Variants in PPP4R2 observed in about 807,000 individuals in gnomAD.
The protein encoded by PPP4R2 is protein phosphatase 4 regulatory subunit 2.
In PPP4R2, 13 loss-of-function variants were observed where a neutral mutation model predicts 47.2. The observed-to-expected ratio is 0.28, with a 90% confidence interval of 0.18 to 0.44. PPP4R2 has a LOEUF of 0.44. Ranked by LOEUF, PPP4R2 falls within the 20% of genes least tolerant of loss-of-function variation. The probability of loss-of-function intolerance (pLI) is 1.00; values close to 1 mark genes in which losing one functional copy is unlikely to be tolerated. For synonymous variants in PPP4R2, 151 were observed against 163.3 expected, an observed-to-expected ratio of 0.92 and a Z score of 0.57; for missense variants, 421 against 491.2, an observed-to-expected ratio of 0.86 and a Z score of 1.35.
chr3:73,048,225 A>C (rs1702528310), intron 3 of PPP4R2, among the ~76,000 whole-genome samples: 1 of 151,464 alleles, frequency 6.6e-6, no homozygotes, highest in Non-Finnish European at 1.5e-5. Flanking sequence ...GTCATTTTAA[A>C]TTCTATTTTT....
intron 2 of PPP4R2, among the ~76,000 whole-genome samples, chr3:73,043,418 A>G (rs970255108): frequency 6.6e-6 from 1 of 152,226 alleles, no homozygotes; most frequent in Non-Finnish European, 1.5e-5. Flanking sequence ...CACCATTTTT[A>G]AAAGTAATAG....
intron 2 of PPP4R2, among the ~76,000 whole-genome samples, chr3:72,999,172 A>C (rs1191874202): frequency 1.3e-5 from 2 of 152,200 alleles, no homozygotes; most frequent in Non-Finnish European, 1.5e-5. Context: ...ATTAAAATAC[A>C]CCAGTCATTT....
At chr3:72,998,250 ATAAT>A (rs928775295) in intron 2 of PPP4R2, 92 bp downstream of exon 2, 23 of 780,688 alleles carry the variant, frequency 2.9e-5, no homozygotes, top group Non-Finnish European at 4.4e-5. Context: ...GGATAATTAA[ATAAT>A]TCATTCTAAA....
chr3:73,062,284 G>T (rs1205647933), intron 5 of PPP4R2: 2 of 1,608,086 alleles, frequency 1.2e-6, no homozygotes, highest in South Asian at 2.2e-5. Flanking sequence ...ATGGACAGGA[G>T]TGGGCTCCCT....
intron 2 of PPP4R2, among the ~76,000 whole-genome samples, chr3:73,036,106 G>T (rs749656587): frequency 5.4e-4 from 82 of 152,180 alleles, no homozygotes; most frequent in Admixed American, 8.5e-4. Context: ...AATGTGGATG[G>T]AACTGGAGGT....
chr3:73,001,901 A>G (rs1191246194), intron 2 of PPP4R2, among the ~76,000 whole-genome samples: 2 of 152,234 alleles, frequency 1.3e-5, no homozygotes, highest in Non-Finnish European at 2.9e-5. Context: ...TGCTGGGATT[A>G]CAGGCGTGAA....
At chr3:73,017,268 T>C (rs528803420) in intron 2 of PPP4R2, among the ~76,000 whole-genome samples, 1 of 152,330 alleles carries the variant, frequency 6.6e-6, no homozygotes, top group South Asian at 2.1e-4. Context: ...CCTCACTTTC[T>C]TGATGGATTA....
chr3:73,060,522 T>A (rs1227564629), intron 4 of PPP4R2, among the ~76,000 whole-genome samples: 1 of 152,180 alleles, frequency 6.6e-6, no homozygotes, highest in Non-Finnish European at 1.5e-5. Flanking sequence ...CATACTAAAC[T>A]TTCAGTGAAC....
chr3:73,059,363 A>T (rs1032946773), intron 4 of PPP4R2, among the ~76,000 whole-genome samples: 1 of 152,160 alleles, frequency 6.6e-6, no homozygotes, highest in Admixed American at 6.5e-5. Flanking sequence ...AAAGCAGCTT[A>T]TTATTTCTTG....
At chr3:73,043,847 C>T (rs533721050) in intron 2 of PPP4R2, among the ~76,000 whole-genome samples, 1 of 152,198 alleles carries the variant, frequency 6.6e-6, no homozygotes, top group Non-Finnish European at 1.5e-5. Context: ...CCATCACTAT[C>T]ATCCATCTGC....
At chr3:73,032,994 G>C (rs1432192286) in intron 2 of PPP4R2, among the ~76,000 whole-genome samples, 2 of 151,992 alleles carry the variant, frequency 1.3e-5, no homozygotes, top group Non-Finnish European at 1.5e-5. Flanking sequence ...ATCCTACCAA[G>C]TTATGATGAA....
intron 2 of PPP4R2, among the ~76,000 whole-genome samples, chr3:73,033,268 A>C (rs1417883464): frequency 6.6e-6 from 1 of 152,052 alleles, no homozygotes; most frequent in African/African-American, 2.4e-5. Context: ...TTTTGAAGGA[A>C]TTTTTTCATT....
rs114451359 is a variant in PPP4R2 at position 73,043,845 on chromosome 3, A to G, written c.117-3341A>G. Among the ~76,000 whole-genome samples, 584 of 152,290 alleles carry G rather than the reference A, an allele frequency of 3.8e-3. 8 individuals carry two copies. Among genetic ancestry groups the G allele is most frequent in the African/African-American group, 0.014 (566 of 41,526 alleles). ...ACTCACGATGTATGTTACCATCACT[A>G]TCATCCATCTGCAGAACTTTTCATT... is the stretch of plus-strand genomic sequence containing the variant. On this transcript the variant is annotated intron_variant, in intron 2 of 8. Coordinates refer to ENST00000356692, the MANE Select transcript of PPP4R2 (RefSeq NM_174907.4).
intron 3 of PPP4R2, 46 bp from the exon 4 acceptor site, chr3:73,058,988 TTTC>T: frequency 8.9e-7 from 1 of 1,127,446 alleles, no homozygotes; most frequent in Non-Finnish European, 1.3e-6. Flanking sequence ...TGTTCCTCGT[TTTC>T]TTGATTATCA....
In PPP4R2 at chr3:73,064,973, G is replaced by C; in HGVS notation, c.760G>C (p.Gly254Arg). 1.9e-6 allele frequency: 3 copies of C among 1,613,902 alleles called. No individual in the cohort carries two copies. The highest frequency in any genetic ancestry group is 1.1e-5 in the South Asian group (1 of 91,076). Residue 254 changes from glycine (G) to arginine (R), a missense_variant, in exon 8 of 9, where the codon GGT becomes CGT. Gly to Arg is a moderately radical substitution (Grantham distance 125). Transcript: ENST00000356692. Reference protein sequence around the residue: ...EVKRLRFDKEGEVRETASQTT... With the variant: ...EVKRLRFDKEREVRETASQTT... Reference sequence around the variant, plus strand: ...AAAAAGACTCAGGTTTGACAAAGAAGGTGAAGTCAGAGAAACAGCCAGTCA... The same window carrying C: ...AAAAAGACTCAGGTTTGACAAAGAACGTGAAGTCAGAGAAACAGCCAGTCA...
chr3:73,002,222 C>T (rs1039876703), intron 2 of PPP4R2, among the ~76,000 whole-genome samples: 2 of 152,044 alleles, frequency 1.3e-5, no homozygotes, highest in Admixed American at 6.6e-5. Flanking sequence ...TTTTCTTTTC[C>T]ATTGATGGGA....
intron 5 of PPP4R2, chr3:73,062,439 C>T: frequency 1.2e-6 from 2 of 1,611,784 alleles, no homozygotes; most frequent in Non-Finnish European, 1.7e-6. Context: ...ATCTCATTTC[C>T]ACCCTGTGAC....
chr3:73,002,092 C>T (rs147275411), intron 2 of PPP4R2, among the ~76,000 whole-genome samples: 12 of 152,256 alleles, frequency 7.9e-5, no homozygotes, highest in African/African-American at 2.4e-4. Context: ...TATGTGAAAA[C>T]GTGATGTTTG....
intron 2 of PPP4R2, among the ~76,000 whole-genome samples, chr3:73,006,023 T>C (rs1575838852): frequency 6.6e-6 from 1 of 152,250 alleles, no homozygotes; most frequent in East Asian, 1.9e-4. Context: ...CCTCCCTGTG[T>C]GTGCTGCCTT....
Sources: allele counts gnomAD v4.1 joint callset (sites outside exome capture counted in the v4.1 genomes callset), GRCh38; gene constraint gnomAD v4.1.1; transcripts MANE v1.5; gene names NCBI Gene and HGNC (gene_info 2026-07-23, HGNC 2026-07-21).